The following CENPP variants were observed in gnomAD, a reference collection of about 807,000 sequenced individuals.
The protein encoded by CENPP is centromere protein P.
Under a neutral mutation model 35.6 loss-of-function variants are expected in CENPP, and 24 were observed. That is an observed-to-expected ratio of 0.67 (90% CI 0.49 to 0.95). The LOEUF (loss-of-function observed/expected upper bound fraction) is 0.95. Among genes scored for constraint, CENPP ranks in the 40% least tolerant of loss-of-function variants. The probability of loss-of-function intolerance (pLI) is 0.00; values close to 1 mark genes in which losing one functional copy is unlikely to be tolerated. For synonymous variants in CENPP, 120 were observed against 125.5 expected, an observed-to-expected ratio of 0.96 and a Z score of 0.29; for missense variants, 332 against 345.3, an observed-to-expected ratio of 0.96 and a Z score of 0.31.
chr9:92,495,702 C>T, intron 5 of CENPP: 1 of 895,326 alleles, frequency 1.1e-6, no homozygotes, highest in South Asian at 5.2e-5. Flanking sequence ...TAACAATGTA[C>T]ATAACCATAA....
chr9:92,550,224 C>T (rs1207061786), intron 5 of CENPP, among the ~76,000 whole-genome samples: 3 of 152,098 alleles, frequency 2.0e-5, no homozygotes, highest in African/African-American at 4.8e-5. Context: ...GGCGAAACCC[C>T]GTCTCTACTA....
intron 5 of CENPP, among the ~76,000 whole-genome samples, chr9:92,528,686 TA>T (rs1354308188): frequency 6.6e-6 from 1 of 152,140 alleles, no homozygotes; most frequent in Non-Finnish European, 1.5e-5. Context: ...ATTAGCTCAG[TA>T]GAGGAAAATA....
intron 5 of CENPP, among the ~76,000 whole-genome samples, chr9:92,572,909 T>C (rs1025135834): frequency 2.1e-4 from 32 of 152,332 alleles, no homozygotes; most frequent in Middle Eastern, 6.8e-3. Context: ...GCATGTGTCA[T>C]GTAGTTCTTG....
chr9:92,337,691 C>T, intron 3 of CENPP, 62 bp downstream of exon 3: 1 of 1,036,778 alleles, frequency 9.6e-7, no homozygotes, highest in Non-Finnish European at 1.5e-6. Context: ...ACAATTCCCA[C>T]ACCCCAGCCT....
rs571166588 is a variant in CENPP, at chr9:92,379,805, G to C, written c.510G>C (p.Leu170=). 1 of 1,613,506 alleles carries C rather than the reference G, an allele frequency of 6.2e-7. No homozygotes were observed. The highest frequency in any genetic ancestry group is 1.3e-5 in the African/African-American group (1 of 75,022). Reference sequence around the variant, plus strand: ...ATCTGTTCATGTTTTTCCGAAGCCTGCATTTTTTTGTGGAGTGGTTTGAAT... The same window carrying C: ...ATCTGTTCATGTTTTTCCGAAGCCTCCATTTTTTTGTGGAGTGGTTTGAAT... ...RKDLFMFFRS[L]HFFVEWFEYR... is the part of the protein sequence containing the mutation. Residue 170 remains leucine, a synonymous_variant, in exon 5 of 8, where the codon CTG becomes CTC. Transcript: ENST00000375587.
chr9:92,393,375 T>C (rs916307298), intron 5 of CENPP: 3 of 665,700 alleles, frequency 4.5e-6, no homozygotes, highest in South Asian at 3.0e-5. Flanking sequence ...ATAAGAAAGA[T>C]AGTCATGGTA....
At chr9:92,561,846 T>A (rs1849854973) in intron 5 of CENPP, among the ~76,000 whole-genome samples, 1 of 152,190 alleles carries the variant, frequency 6.6e-6, no homozygotes, top group Non-Finnish European at 1.5e-5. Context: ...GCCAGATGCC[T>A]GGTTCTTTGC....
At chr9:92,494,829 C>T (rs1373469821) in intron 5 of CENPP, among the ~76,000 whole-genome samples, 1 of 152,088 alleles carries the variant, frequency 6.6e-6, no homozygotes, top group Admixed American at 6.6e-5. Flanking sequence ...ATCGCTTGAA[C>T]CCAGGAGGCA....
intron 2 of CENPP, 35 bp downstream of exon 2, chr9:92,332,386 A>G (rs761046465): frequency 9.4e-6 from 13 of 1,388,762 alleles, no homozygotes; most frequent in Admixed American, 2.5e-5. Context: ...CATAGTATGG[A>G]AGCTTACCTT....
intron 5 of CENPP, among the ~76,000 whole-genome samples, chr9:92,423,480 A>G (rs1318575453): frequency 6.6e-6 from 1 of 152,170 alleles, no homozygotes; most frequent in Non-Finnish European, 1.5e-5. Context: ...TTTTATTTGT[A>G]TGACATAGAA....
rs181971507 is a variant in CENPP at position 92,534,962 on chromosome 9, G to A, written c.565-76352G>A. 2.0e-5 allele frequency among the ~76,000 whole-genome samples: 3 copies of A among 152,296 alleles called. No individual in the cohort carries two copies. In the East Asian group the frequency reaches 5.8e-4, roughly 29 times the overall value. ...AGGGTCTCAGGCATCCTGCTGTCCT[G>A]AGGCATCCTGAAAGCACTCACTTAT... On this transcript the variant is annotated intron_variant, in intron 5 of 7. Coordinates refer to ENST00000375587, the MANE Select transcript of CENPP (RefSeq NM_001012267.3).
At chr9:92,525,891 TC>T (rs987484495) in intron 5 of CENPP, among the ~76,000 whole-genome samples, 14 of 80,550 alleles carry the variant, frequency 1.7e-4, no homozygotes, top group African/African-American at 7.1e-4. Context: ...AGACTCTATC[TC>T]CAAAAAAAAA....
At chr9:92,567,377 T>TATATATATATATATATAG (rs1850007974) in intron 5 of CENPP, among the ~76,000 whole-genome samples, 2 of 87,528 alleles carry the variant, frequency 2.3e-5, no homozygotes, top group South Asian at 6.3e-4. Context: ...AAGATAGATA[T>TATATATATATATATATAG]ATATATATAT....
intron 5 of CENPP, among the ~76,000 whole-genome samples, chr9:92,416,023 T>C (rs1843586342): frequency 1.4e-5 from 2 of 140,074 alleles, no homozygotes; most frequent in South Asian, 4.6e-4. Context: ...AGAATATATA[T>C]TTTTTATATA....
At chr9:92,386,050 A>T (rs1196359348) in intron 5 of CENPP, 2 of 665,552 alleles carry the variant, frequency 3.0e-6, no homozygotes, top group African/African-American at 3.6e-5. Context: ...TGAGCCTAGT[A>T]TTAATCTTTT....
At chr9:92,397,484 G>GC (rs1842937383) in intron 5 of CENPP, among the ~76,000 whole-genome samples, 1 of 152,060 alleles carries the variant, frequency 6.6e-6, no homozygotes. Flanking sequence ...GTGCCACCAT[G>GC]CCCAGCTAAT....
At chr9:92,519,240 G>A (rs990198397) in intron 5 of CENPP, among the ~76,000 whole-genome samples, 1 of 152,138 alleles carries the variant, frequency 6.6e-6, no homozygotes, top group Non-Finnish European at 1.5e-5. Context: ...ACACATATGA[G>A]TTTCTTCCAG....
intron 5 of CENPP, among the ~76,000 whole-genome samples, chr9:92,548,762 AG>A (rs1433072424): frequency 6.6e-6 from 1 of 152,208 alleles, no homozygotes; most frequent in African/African-American, 2.4e-5. Flanking sequence ...TACCATACTC[AG>A]GGAGTGGAAC....
chr9:92,409,697 G>A (rs1218922141), intron 5 of CENPP, among the ~76,000 whole-genome samples: 1 of 152,134 alleles, frequency 6.6e-6, no homozygotes, highest in Non-Finnish European at 1.5e-5. Context: ...GGACTTATTT[G>A]TTAATAGTTA....
Sources: gnomAD v4.1 joint callset for allele counts (sites outside exome capture counted in the v4.1 genomes callset) on GRCh38, gnomAD v4.1.1 for gene constraint, MANE v1.5 for transcripts, NCBI Gene and HGNC (gene_info 2026-07-23, HGNC 2026-07-21) for gene names.